CNNM1: variants seen among roughly 807,000 people sequenced by gnomAD.
CNNM1 encodes the protein metal transporter CNNM1.
Under a neutral mutation model 78.8 loss-of-function variants are expected in CNNM1, and 44 were observed. The observed-to-expected ratio is 0.56, with a 90% CI of 0.44 to 0.72. The LOEUF (loss-of-function observed/expected upper bound fraction) is 0.72. CNNM1 is among the 30% of genes least tolerant of loss of function. CNNM1 has a pLI of 0.00. For missense variants in CNNM1, 1,101 were observed against 1,292.2 expected (o/e 0.85, Z 2.27); for synonymous variants, 584 against 581.5 (o/e 1.00, Z -0.06).
chr10:99,334,632 C>A (rs891404913), intron 1 of CNNM1, among the ~76,000 whole-genome samples: 7 of 151,990 alleles, frequency 4.6e-5, no homozygotes, highest in African/African-American at 1.7e-4. Flanking sequence ...GCCTGGGTGA[C>A]AGAGAAAGAC....
chr10:99,332,078 G>A (rs552256364), intron 1 of CNNM1, among the ~76,000 whole-genome samples: 8 of 152,182 alleles, frequency 5.3e-5, no homozygotes, highest in South Asian at 4.2e-4. Flanking sequence ...CAGTTTGACC[G>A]CCCCCCTAGT....
At chr10:99,374,899 T>G (rs2031915993) in intron 6 of CNNM1, among the ~76,000 whole-genome samples, 1 of 152,190 alleles carries the variant, frequency 6.6e-6, no homozygotes, top group Non-Finnish European at 1.5e-5. Flanking sequence ...TTAATACTTG[T>G]GAAAGTGCTT....
At chr10:99,382,206 A>G (rs1415611073) in intron 7 of CNNM1, among the ~76,000 whole-genome samples, 2 of 152,244 alleles carry the variant, frequency 1.3e-5, no homozygotes, top group Non-Finnish European at 2.9e-5. Context: ...AAAATGAGAT[A>G]GAAAGGTGCA....
chr10:99,336,674 A>G (rs1231736165), intron 1 of CNNM1, among the ~76,000 whole-genome samples: 4 of 152,270 alleles, frequency 2.6e-5, no homozygotes, highest in Non-Finnish European at 5.9e-5. Context: ...GTGATTAAGA[A>G]CATAAGATTT....
chr10:99,333,832 G>C (rs2030040971), intron 1 of CNNM1, among the ~76,000 whole-genome samples: 1 of 152,158 alleles, frequency 6.6e-6, no homozygotes, highest in South Asian at 2.1e-4. Flanking sequence ...CCAAAAAGTT[G>C]ATATTGATCT....
intron 1 of CNNM1, among the ~76,000 whole-genome samples, chr10:99,338,965 T>G (rs1377092017): frequency 6.6e-6 from 1 of 152,218 alleles, no homozygotes; most frequent in Non-Finnish European, 1.5e-5. Context: ...CTTCTTAAAT[T>G]TACTACTCTA....
chr10:99,360,880 G>A lies in CNNM1; in HGVS notation c.1763G>A (p.Arg588Gln), dbSNP rs267602334. The A allele has an allele frequency of 1.1e-5, 17 of 1,612,768 alleles. 1 individual carries two copies. The highest frequency in any genetic ancestry group is 1.3e-5 in the African/African-American group (1 of 75,042). The change falls in exon 3 of 11, where the codon CGG (arginine) becomes CAG (glutamine). Residue 588 changes from arginine (R) to glutamine (Q), a missense_variant. Around this residue, in one of 3 missense-constraint regions of CNNM1, gnomAD observed 277 missense variants for 423.2 expected, o/e 0.65. Transcript: ENST00000356713. ...KQRVPQRERK[R>Q]HDFSLFKLSD... The stretch of plus-strand genomic sequence containing the variant: ...AGGGTCCCGCAACGGGAGCGGAAGC[G>A]GCATGACTTCTCCTTGTTTAAGCTT...
Position 99,330,966 on chromosome 10 carries a change from CAGT to C in CNNM1, c.1573+10_1573+12del, listed in dbSNP as rs749011022. 1 of 1,602,068 alleles carries C rather than the reference CAGT, an allele frequency of 6.2e-7. No homozygotes were observed. Among genetic ancestry groups the C allele is most frequent in the African/African-American group, 1.3e-5 (1 of 74,876 alleles). ...TCTGGAGGAGTTTAAGAAGGGTGAG[CAGT>C]AGTCTATCTTCTCCCCCAACTCCTA... On this transcript the variant is annotated splice_region_variant and intron_variant, in intron 1 of 10. Transcript: ENST00000356713.
At chr10:99,367,155 C>T (rs2031646557) in intron 6 of CNNM1, among the ~76,000 whole-genome samples, 2 of 152,130 alleles carry the variant, frequency 1.3e-5, no homozygotes, top group African/African-American at 4.8e-5. Context: ...GTCCAGCCAC[C>T]CAGCATCTTT....
intron 1 of CNNM1, among the ~76,000 whole-genome samples, chr10:99,341,553 G>A (rs1032290680): frequency 1.3e-4 from 20 of 152,310 alleles, no homozygotes; most frequent in African/African-American, 4.1e-4. Flanking sequence ...TAGTCCCTGG[G>A]TGATCTGAGA....
In CNNM1 at chr10:99,377,129, G is replaced by GGCAGCAACACCCAGCTGTACAGCA; in HGVS notation, c.2261_2284dup (p.Thr754_Asn761dup). 3.1e-6 allele frequency: 5 copies of GGCAGCAACACCCAGCTGTACAGCA among 1,611,498 alleles called. No individual in the cohort carries two copies. Among genetic ancestry groups the GGCAGCAACACCCAGCTGTACAGCA allele is most frequent in the Non-Finnish European group, 4.2e-6 (5 of 1,178,916 alleles). The stretch of plus-strand genomic sequence containing the variant: ...AAACCGAGAGCGCAGTGACTTTGGG[G>GGCAGCAACACCCAGCTGTACAGCA]GCAGCAACACCCAGCTGTACAGCAG... On this transcript the variant is annotated inframe_insertion, in exon 7 of 11. Coordinates refer to ENST00000356713, the MANE Select transcript of CNNM1 (RefSeq NM_020348.3).
At chr10:99,379,019 C>T (rs2032059707) in intron 7 of CNNM1, among the ~76,000 whole-genome samples, 1 of 152,210 alleles carries the variant, frequency 6.6e-6, no homozygotes, top group Non-Finnish European at 1.5e-5. Flanking sequence ...TCATAGCTTC[C>T]AGAAGCCTTC....
chr10:99,362,338 C>T lies in CNNM1; in HGVS notation c.1970C>T (p.Pro657Leu), dbSNP rs1164013204. 1.6e-5 allele frequency: 26 copies of T among 1,613,942 alleles called. No homozygotes were observed. Among genetic ancestry groups the T allele is most frequent in the South Asian group, 3.3e-5 (3 of 91,068 alleles). Residue 657 changes from proline (P) to leucine (L), a missense_variant, in exon 4 of 11, where the codon CCG (proline) becomes CTG (leucine). Pro to Leu is a moderately conservative substitution (Grantham distance 98). Coordinates refer to ENST00000356713, the MANE Select transcript of CNNM1 (RefSeq NM_020348.3). ...TTTGATGAGAAGAACAAGAAGGCCCCGGAACACTACCTCTACCAGCGCAAC... is the reference window on the plus strand; with the variant it reads ...TTTGATGAGAAGAACAAGAAGGCCCTGGAACACTACCTCTACCAGCGCAAC... The part of the protein sequence containing the change: ...LKFDEKNKKA[P>L]EHYLYQRNRP...
chr10:99,389,416 C>CAAA lies in CNNM1; in HGVS notation c.2675-869_2675-867dup, dbSNP rs56180037. ...TGGGTGACAGAGTGAGATTCCATCT[C>CAAA]AAAAAAAAAAAAAAAAAAAAAAATT... On this transcript the variant is annotated intron_variant, in intron 9 of 10. Transcript: ENST00000356713. 2.7e-3 allele frequency among the ~76,000 whole-genome samples: 224 copies of CAAA among 83,974 alleles called. 3 individuals carry two copies. The highest frequency in any genetic ancestry group is 0.013 in the Middle Eastern group (2 of 150). The allele number at this position is 83,974 out of a possible 152,430, so 55.1% of individuals were successfully genotyped here. A position where few individuals can be genotyped will look rare whatever the true frequency, so the allele number is the denominator to read the frequency against.
intron 1 of CNNM1, among the ~76,000 whole-genome samples, chr10:99,351,866 C>T (rs999657245): frequency 1.3e-5 from 2 of 152,198 alleles, no homozygotes; most frequent in African/African-American, 4.8e-5. Flanking sequence ...CCTACTTTTA[C>T]TCAACTTGTG....
intron 6 of CNNM1, among the ~76,000 whole-genome samples, chr10:99,365,440 G>A (rs1385029904): frequency 2.6e-5 from 4 of 152,192 alleles, no homozygotes; most frequent in Admixed American, 2.0e-4. Flanking sequence ...AAGATTTGGG[G>A]ATGTAAGTTC....
At position 99,364,446 on chromosome 10, in the gene CNNM1, A is replaced by G. The variant is rs2031545017; in HGVS notation, c.2058A>G (p.Glu686=). The G allele has an allele frequency of 2.5e-6, 4 of 1,612,366 alleles. No individual in the cohort carries two copies. The highest frequency in any genetic ancestry group is 2.5e-6 in the Non-Finnish European group (3 of 1,179,390). Residue 686 remains glutamate (E), a synonymous_variant, in exon 5 of 11, where the codon GAA becomes GAG. Coordinates refer to ENST00000356713, the MANE Select transcript of CNNM1 (RefSeq NM_020348.3). ...QGKVEVEVGK[E]GLRFENGAFT... ...AAGTGGAGGTGGAGGTTGGTAAGGA[A>G]GGCCTTCGCTTTGAAAATGGAGCCT...
intron 9 of CNNM1, among the ~76,000 whole-genome samples, chr10:99,390,076 T>G (rs151222026): frequency 8.5e-5 from 13 of 152,340 alleles, no homozygotes; most frequent in Non-Finnish European, 1.6e-4. Flanking sequence ...GATCGTTGGA[T>G]TCCGGCTCCT....
At chr10:99,346,544 A>G (rs993700119) in intron 1 of CNNM1, among the ~76,000 whole-genome samples, 2 of 152,154 alleles carry the variant, frequency 1.3e-5, no homozygotes, top group African/African-American at 4.8e-5. Flanking sequence ...GTCTACTCTC[A>G]TTCCCTCGAT....
Sources: allele counts gnomAD v4.1 joint callset (sites outside exome capture counted in the v4.1 genomes callset), GRCh38; gene constraint gnomAD v4.1.1; regional missense constraint gnomAD v4.1.1; transcripts MANE v1.5; gene names NCBI Gene and HGNC (gene_info 2026-07-23, HGNC 2026-07-21).